The following CAMK4 variants were observed in gnomAD, a reference collection of about 807,000 sequenced individuals.
CAMK4 encodes calcium/calmodulin dependent protein kinase IV.
A neutral mutation model predicts 44.9 loss-of-function variants in CAMK4; 22 were observed. That is an observed-to-expected ratio of 0.49 (90% confidence interval 0.35 to 0.70). The LOEUF is 0.70. CAMK4 is among the 30% of genes least tolerant of loss of function. The probability of loss-of-function intolerance (pLI) is 0.01; values close to 1 mark genes in which losing one functional copy is unlikely to be tolerated. For synonymous variants in CAMK4, 218 were observed against 215.4 expected (o/e 1.01, Z -0.11); for missense variants, 498 against 586.8 (o/e 0.85, Z 1.56).
intron 2 of CAMK4, among the ~76,000 whole-genome samples, chr5:111,348,805 T>C (rs903464688): frequency 6.6e-6 from 1 of 152,020 alleles, no homozygotes; most frequent in African/African-American, 2.4e-5. Context: ...TAATTCAACA[T>C]TGAGACCCTG....
intron 5 of CAMK4, among the ~76,000 whole-genome samples, chr5:111,416,884 A>G (rs1444071515): frequency 1.3e-5 from 2 of 152,180 alleles, no homozygotes; most frequent in Admixed American, 1.3e-4. Flanking sequence ...TCAAATTTAG[A>G]GTAGAATTTT....
At chr5:111,430,331 A>G (rs907390535) in intron 5 of CAMK4, among the ~76,000 whole-genome samples, 2 of 152,226 alleles carry the variant, frequency 1.3e-5, no homozygotes, top group Admixed American at 6.5e-5. Context: ...ACATAACCAT[A>G]TATGACTGAC....
intron 1 of CAMK4, among the ~76,000 whole-genome samples, chr5:111,237,420 C>G (rs1214645393): frequency 6.6e-6 from 1 of 152,188 alleles, no homozygotes; most frequent in East Asian, 1.9e-4. Context: ...GGAGACAGAG[C>G]AGCTTTTGAA....
At chr5:111,276,148 A>G (rs1750750718) in intron 1 of CAMK4, among the ~76,000 whole-genome samples, 1 of 152,208 alleles carries the variant, frequency 6.6e-6, no homozygotes, top group Admixed American at 6.5e-5. Flanking sequence ...TTACTGAAGC[A>G]TTCCCTCCAG....
Position 111,224,650 on chromosome 5 carries a change from G to A in CAMK4, c.161+6G>A. 1 of 1,601,540 alleles carries A rather than the reference G, an allele frequency of 6.2e-7. No homozygotes were observed. The highest frequency in any genetic ancestry group is 8.5e-7 in the Non-Finnish European group (1 of 1,174,602). The stretch of plus-strand genomic sequence containing the variant: ...GTGGAGTCGGAGCTGGGACGGTAAG[G>A]CGCGGGCTCCGGCTGGGGAAGCCCG... On this transcript the variant is annotated splice_donor_region_variant and intron_variant, in intron 1 of 10. Transcript: ENST00000282356. This position sits in a 1 kb window ranked among gnomAD's most constrained non-coding sequence, Gnocchi z 5.7.
At chr5:111,472,882 A>G (rs1279223391) in intron 7 of CAMK4, among the ~76,000 whole-genome samples, 1 of 151,832 alleles carries the variant, frequency 6.6e-6, no homozygotes, top group Non-Finnish European at 1.5e-5. Context: ...AGACCCACAC[A>G]CTCGCTGACA....
In CAMK4 at chr5:111,484,142, C is replaced by T. The variant is rs748677635; in HGVS notation, c.1098C>T (p.Asn366=). Reference sequence around the variant, plus strand: ...ACCCTTCTCCAATCCAAGATGGCAACGAGGACATGAAAGCTATTCCAGAAG... The same window carrying T: ...ACCCTTCTCCAATCCAAGATGGCAATGAGGACATGAAAGCTATTCCAGAAG... The part of the protein sequence containing the change: ...SRDPSPIQDG[N]EDMKAIPEGE... Residue 366 remains asparagine (N), a synonymous_variant, in exon 11 of 11, where the codon AAC becomes AAT. Transcript: ENST00000282356. This position sits in a 1 kb window ranked among gnomAD's most constrained non-coding sequence, Gnocchi z 5.3. 2.6e-5 allele frequency: 42 copies of T among 1,614,122 alleles called. No individual in the cohort carries two copies. Among genetic ancestry groups the T allele is most frequent in the Admixed American group, 1.5e-4 (9 of 60,022 alleles).
intron 2 of CAMK4, among the ~76,000 whole-genome samples, chr5:111,353,899 C>T (rs1376469527): frequency 1.3e-5 from 2 of 151,948 alleles, no homozygotes; most frequent in African/African-American, 4.8e-5. Flanking sequence ...TTAATATTGC[C>T]AAAGTGTCAG....
chr5:111,287,497 A>G (rs1751285300), intron 1 of CAMK4, among the ~76,000 whole-genome samples: 1 of 152,204 alleles, frequency 6.6e-6, no homozygotes, highest in South Asian at 2.1e-4. Context: ...AATACTGTCA[A>G]TGATGATTTA....
intron 2 of CAMK4, among the ~76,000 whole-genome samples, chr5:111,348,763 C>G (rs937462902): frequency 6.6e-6 from 1 of 151,996 alleles, no homozygotes; most frequent in Non-Finnish European, 1.5e-5. Flanking sequence ...GATACGTGAG[C>G]TTTCTCATAA....
rs181295623 is a variant in CAMK4 at position 111,440,397 on chromosome 5, T to A, written c.460-6289T>A. 1.4e-3 allele frequency among the ~76,000 whole-genome samples: 213 copies of A among 152,206 alleles called. 1 individual carries two copies. Among genetic ancestry groups the A allele is most frequent in the African/African-American group, 4.9e-3 (205 of 41,560 alleles). ...ATTTTAGAAATTTTTTGTTACGTAG[T>A]TGACAAAACTATAGTAAGAATGTTT... On this transcript the variant is annotated intron_variant, in intron 5 of 10. Transcript: ENST00000282356.
chr5:111,389,776 T>A (rs1751735494), intron 4 of CAMK4, among the ~76,000 whole-genome samples: 1 of 152,202 alleles, frequency 6.6e-6, no homozygotes, highest in Non-Finnish European at 1.5e-5. Context: ...CTCCATCATC[T>A]TTGTAACAAC....
chr5:111,377,622 C>T (rs1183807469), intron 4 of CAMK4, among the ~76,000 whole-genome samples: 1 of 152,068 alleles, frequency 6.6e-6, no homozygotes, highest in Admixed American at 6.6e-5. Context: ...TCCATCTTCC[C>T]CACCCTCTTA....
intron 7 of CAMK4, among the ~76,000 whole-genome samples, chr5:111,467,745 C>G (rs1754894086): frequency 6.6e-6 from 1 of 152,022 alleles, no homozygotes; most frequent in South Asian, 2.1e-4. Flanking sequence ...CACTTTTACA[C>G]TGTTGATGGG....
chr5:111,249,632 A>ATATATAAATGTGTGTGTGTGTGTG (rs1749392918), intron 1 of CAMK4, among the ~76,000 whole-genome samples: 1 of 112,612 alleles, frequency 8.9e-6, no homozygotes, highest in Admixed American at 8.7e-5. Flanking sequence ...TTGTGTGTAT[A>ATATATAAATGTGTGTGTGTGTGTG]TATATATATA....
chr5:111,424,300 A>G (rs553055517), intron 5 of CAMK4, among the ~76,000 whole-genome samples: 8 of 152,226 alleles, frequency 5.3e-5, no homozygotes, highest in Admixed American at 2.6e-4. Flanking sequence ...AATTTCCTCC[A>G]CTTGTTTTGA....
chr5:111,281,128 C>T (rs1379668582), intron 1 of CAMK4, among the ~76,000 whole-genome samples: 3 of 152,046 alleles, frequency 2.0e-5, no homozygotes, highest in Admixed American at 1.3e-4. Context: ...CAGGCAAGGC[C>T]CTAGTTTGCT....
intron 2 of CAMK4, among the ~76,000 whole-genome samples, chr5:111,354,867 A>G (rs1236568290): frequency 6.6e-6 from 1 of 152,094 alleles, no homozygotes; most frequent in Non-Finnish European, 1.5e-5. Context: ...AGGATGCAGA[A>G]TGGAGATTCC....
At chr5:111,288,809 C>A (rs973165273) in intron 1 of CAMK4, among the ~76,000 whole-genome samples, 1 of 152,164 alleles carries the variant, frequency 6.6e-6, no homozygotes, top group South Asian at 2.1e-4. Flanking sequence ...CATTACTGAT[C>A]AAGCTGCTAG....
Sources: allele counts gnomAD v4.1 joint callset (sites outside exome capture counted in the v4.1 genomes callset), GRCh38; gene constraint gnomAD v4.1.1; non-coding constraint Gnocchi (gnomAD v3.1); transcripts MANE v1.5; gene names NCBI Gene and HGNC (gene_info 2026-07-23, HGNC 2026-07-21).